The following C8orf34 variants were observed in gnomAD, a reference collection of about 807,000 sequenced individuals.
The protein encoded by C8orf34 is uncharacterized protein C8orf34.
In C8orf34, 65 loss-of-function variants were observed where a neutral mutation model predicts 68.3. The ratio of observed to expected loss-of-function variants is 0.95; its 90% CI spans 0.78 to 1.17. The LOEUF (loss-of-function observed/expected upper bound fraction) is 1.17, where lower values mean the gene tolerates loss of function less well. Ranked by LOEUF, C8orf34 falls within the 50% of genes most tolerant of loss-of-function variation. The probability of loss-of-function intolerance (pLI) is 0.00; values close to 1 mark genes in which losing one functional copy is unlikely to be tolerated. For missense variants in C8orf34, 664 were observed against 655.4 expected (o/e 1.01, Z -0.14); for synonymous variants, 244 against 241.2 (o/e 1.01, Z -0.11).
rs929432732 is a variant in C8orf34, at chr8:68,427,892, GT to G, written c.328-11600del. 8.0e-5 allele frequency among the ~76,000 whole-genome samples: 12 copies of G among 149,302 alleles called. No individual in the cohort carries two copies. In the East Asian group the frequency reaches 1.4e-3, roughly 17 times the overall value. Reference sequence around the variant, plus strand: ...ATTAAAATGTTTTAAAAATTTCTAAGTTTTTTTATTATATGCAAACAAAATA... The same window carrying G: ...ATTAAAATGTTTTAAAAATTTCTAAGTTTTTTATTATATGCAAACAAAATA... On this transcript the variant is annotated intron_variant, in intron 1 of 13. Transcript: ENST00000518698.
chr8:68,516,203 TA>T (rs1166598663), intron 5 of C8orf34, among the ~76,000 whole-genome samples: 1 of 152,220 alleles, frequency 6.6e-6, no homozygotes, highest in African/African-American at 2.4e-5. Flanking sequence ...GGGAATCATT[TA>T]CATGATTTTG....
chr8:68,603,562 T>TATCC (rs1167641220), intron 7 of C8orf34, among the ~76,000 whole-genome samples: 1 of 103,248 alleles, frequency 9.7e-6, no homozygotes, highest in Non-Finnish European at 1.8e-5. Context: ...TCTATCTATC[T>TATCC]ATCTATCTAT....
intron 10 of C8orf34, among the ~76,000 whole-genome samples, chr8:68,750,818 C>G (rs1235027203): frequency 2.6e-5 from 4 of 152,118 alleles, no homozygotes; most frequent in Non-Finnish European, 5.9e-5. Context: ...GTTCTAGGAG[C>G]TTTACAGACA....
At chr8:68,778,577 C>T (rs11993861) in intron 11 of C8orf34, among the ~76,000 whole-genome samples, 73,775 of 151,798 alleles carry the variant, frequency 0.49, 20,443 homozygotes, top group African/African-American at 0.76. Flanking sequence ...TTCTATTTTT[C>T]AATGTATTAT....
At chr8:68,352,673 T>C (rs1305727384) in intron 1 of C8orf34, among the ~76,000 whole-genome samples, 3 of 152,102 alleles carry the variant, frequency 2.0e-5, no homozygotes, top group Non-Finnish European at 4.4e-5. Context: ...ATATTGCAAA[T>C]TGAAAGAGCC....
chr8:68,460,752 C>A (rs1018268355), intron 3 of C8orf34, among the ~76,000 whole-genome samples: 2 of 152,176 alleles, frequency 1.3e-5, no homozygotes, highest in Admixed American at 6.5e-5. Flanking sequence ...AGAAGGAAAA[C>A]TAACAAACAG....
intron 10 of C8orf34, among the ~76,000 whole-genome samples, chr8:68,743,569 G>T (rs1052006946): frequency 6.6e-6 from 1 of 152,212 alleles, no homozygotes; most frequent in Admixed American, 6.5e-5. Context: ...TGCCTCACTC[G>T]GGAAGCGCAA....
At chr8:68,447,607 C>T (rs1398917901) in intron 3 of C8orf34, 2 of 152,164 alleles carry the variant, frequency 1.3e-5, no homozygotes, top group African/African-American at 4.8e-5. Flanking sequence ...AAGGAGTAGG[C>T]AGAAAATATT....
chr8:68,446,386 C>G lies in C8orf34; in HGVS notation c.533C>G (p.Ala178Gly), dbSNP rs1811124330. 2 of 1,612,094 alleles carry G rather than the reference C, an allele frequency of 1.2e-6. No homozygotes were observed. The highest frequency in any genetic ancestry group is 2.7e-5 in the African/African-American group (2 of 74,836). Residue 178 changes from alanine (A) to glycine (G), a missense_variant, in exon 3 of 14, where the codon GCA becomes GGA. By Grantham distance (60) the Ala-to-Gly change is moderately conservative. Transcript: ENST00000518698. ...TATGATAAACCTTGGCAATTAAATG[C>G]AAAGAAGCCTAAAAAATCAAAAAGT... ...RSYDKPWQLN[A>G]KKPKKSKSDL...
chr8:68,793,775 C>A (rs930628105), intron 12 of C8orf34, among the ~76,000 whole-genome samples: 8 of 152,152 alleles, frequency 5.3e-5, no homozygotes, highest in East Asian at 1.9e-4. Flanking sequence ...ATGTAACAAA[C>A]CTGCACGTCC....
chr8:68,383,066 T>C (rs781385947), intron 1 of C8orf34, among the ~76,000 whole-genome samples: 7 of 152,054 alleles, frequency 4.6e-5, no homozygotes, highest in Non-Finnish European at 8.8e-5. Context: ...TATTGTAGCA[T>C]AGGTTAAAGA....
At chr8:68,563,335 G>A (rs1382322845) in intron 7 of C8orf34, among the ~76,000 whole-genome samples, 1 of 152,110 alleles carries the variant, frequency 6.6e-6, no homozygotes, top group Non-Finnish European at 1.5e-5. Flanking sequence ...TTTTACAGTT[G>A]TGATAACTCT....
chr8:68,687,436 T>C lies in C8orf34; in HGVS notation c.1242-21558T>C, dbSNP rs376948046. 7.9e-5 allele frequency among the ~76,000 whole-genome samples: 12 copies of C among 152,092 alleles called. No individual in the cohort carries two copies. In the East Asian group the frequency reaches 9.7e-4, roughly 12 times the overall value. Reference sequence around the variant, plus strand: ...AGGATCTTAGACCAATGGAACAGAATAGAGAACCCAGAAATAAAGCCAAAT... The same window carrying C: ...AGGATCTTAGACCAATGGAACAGAACAGAGAACCCAGAAATAAAGCCAAAT... On this transcript the variant is annotated intron_variant, in intron 8 of 13. Coordinates refer to ENST00000518698, the MANE Select transcript of C8orf34 (RefSeq NM_052958.4).
chr8:68,437,053 C>A (rs2129625478), intron 1 of C8orf34, among the ~76,000 whole-genome samples: 1 of 152,304 alleles, frequency 6.6e-6, no homozygotes, highest in African/African-American at 2.4e-5. Flanking sequence ...CCAAGACACC[C>A]AACATGCCCT....
intron 8 of C8orf34, among the ~76,000 whole-genome samples, chr8:68,678,269 A>C (rs1170035843): frequency 1.3e-5 from 2 of 152,180 alleles, no homozygotes; most frequent in East Asian, 3.9e-4. Flanking sequence ...GAAAACAGCA[A>C]CAACTACAAA....
chr8:68,631,857 T>G lies in C8orf34; in HGVS notation c.1106-8519T>G, dbSNP rs543366701. On this transcript the variant is annotated intron_variant, in intron 7 of 13. Transcript: ENST00000518698. ...CCATCTGCCATGATTGTAAGTTTCT[T>G]GAGACCTCCTCAGCTATGTGGAACT... Among the ~76,000 whole-genome samples, 21 of 152,330 alleles carry G rather than the reference T, an allele frequency of 1.4e-4. No individual in the cohort carries two copies. In the South Asian group the frequency reaches 4.3e-3, roughly 32 times the overall value.
At chr8:68,659,016 A>C in intron 8 of C8orf34, among the ~76,000 whole-genome samples, 1 of 151,906 alleles carries the variant, frequency 6.6e-6, no homozygotes, top group South Asian at 2.1e-4. Context: ...AATTTTTGTA[A>C]ACTCATCAGG....
intron 1 of C8orf34, among the ~76,000 whole-genome samples, chr8:68,394,791 T>C (rs1411017809): frequency 6.6e-6 from 1 of 152,064 alleles, no homozygotes; most frequent in East Asian, 1.9e-4. Flanking sequence ...CCATTAGTGA[T>C]GGTGCGTTTC....
intron 1 of C8orf34, among the ~76,000 whole-genome samples, chr8:68,432,354 G>A (rs557765671): frequency 2.0e-5 from 3 of 151,622 alleles, no homozygotes; most frequent in African/African-American, 4.8e-5. Flanking sequence ...CTGTTGCCCC[G>A]GGCTGGAGTG....
Sources: gnomAD v4.1 joint callset for allele counts (sites outside exome capture counted in the v4.1 genomes callset) on GRCh38, gnomAD v4.1.1 for gene constraint, MANE v1.5 for transcripts, NCBI Gene and HGNC (gene_info 2026-07-23, HGNC 2026-07-21) for gene names.